The following DACH1 variants were observed in gnomAD, a reference collection of about 807,000 sequenced individuals.
DACH1 encodes dachshund family transcription factor 1, also known as dachshund homolog 1.
DACH1 carries 12 observed loss-of-function variants against 54.2 expected under a neutral mutation model. That is an observed-to-expected ratio of 0.22 (90% CI 0.14 to 0.36). DACH1 has a LOEUF of 0.36. Ranked by LOEUF, DACH1 falls within the 10% of genes least tolerant of loss-of-function variation. The pLI is 1.00. For synonymous variants in DACH1, 386 were observed against 366.2 expected (o/e 1.05, Z -0.62); for missense variants, 805 against 929.8 (o/e 0.87, Z 1.75).
At chr13:71,504,570 G>A (rs138088059) in intron 6 of DACH1, among the ~76,000 whole-genome samples, 1 of 152,294 alleles carries the variant, frequency 6.6e-6, no homozygotes, top group East Asian at 1.9e-4. Flanking sequence ...GGTTAGAATG[G>A]AATTTGAGAT....
intron 1 of DACH1, among the ~76,000 whole-genome samples, chr13:71,762,356 A>T (rs976246154): frequency 6.6e-6 from 1 of 152,200 alleles, no homozygotes; most frequent in African/African-American, 2.4e-5. Context: ...AGTTCCTGCC[A>T]TGTTGGATTT....
At chr13:71,841,071 G>A (rs1872806994) in intron 1 of DACH1, among the ~76,000 whole-genome samples, 1 of 152,048 alleles carries the variant, frequency 6.6e-6, no homozygotes, top group South Asian at 2.1e-4. Flanking sequence ...CCTGGCAGCT[G>A]TATATTTTCT....
chr13:71,728,248 G>A (rs2137903298), intron 1 of DACH1, among the ~76,000 whole-genome samples: 1 of 152,066 alleles, frequency 6.6e-6, no homozygotes, highest in East Asian at 1.9e-4. Flanking sequence ...TTGGTAACAT[G>A]AGGGATTTTA....
chr13:71,849,838 G>A (rs1873543922), intron 1 of DACH1, among the ~76,000 whole-genome samples: 2 of 152,184 alleles, frequency 1.3e-5, no homozygotes, highest in African/African-American at 4.8e-5. Flanking sequence ...TTAGTTTCTA[G>A]CAGGTATTTT....
At chr13:71,776,273 CT>C (rs946826234) in intron 1 of DACH1, among the ~76,000 whole-genome samples, 9 of 152,020 alleles carry the variant, frequency 5.9e-5, no homozygotes. Context: ...TATGAAGTCA[CT>C]TTTTACTGCT....
chr13:71,625,756 C>G (rs1876597199), intron 3 of DACH1, among the ~76,000 whole-genome samples: 3 of 151,894 alleles, frequency 2.0e-5, no homozygotes, highest in South Asian at 4.2e-4. Context: ...ATTAGTGTAC[C>G]CTTGCCTATG....
At chr13:71,784,611 G>C (rs913664494) in intron 1 of DACH1, among the ~76,000 whole-genome samples, 1 of 151,906 alleles carries the variant, frequency 6.6e-6, no homozygotes, top group Non-Finnish European at 1.5e-5. Flanking sequence ...TTCAATCACT[G>C]CAATTATACA....
chr13:71,704,290 T>C, intron 1 of DACH1: 1 of 294,160 alleles, frequency 3.4e-6, no homozygotes, highest in Admixed American at 3.7e-5. Flanking sequence ...TGTAAGGTGA[T>C]ATTGTAGACA....
At chr13:71,504,848 C>T (rs984833854) in intron 6 of DACH1, among the ~76,000 whole-genome samples, 1 of 152,096 alleles carries the variant, frequency 6.6e-6, no homozygotes, top group African/African-American at 2.4e-5. Flanking sequence ...AATTACAATA[C>T]AAATTCCTTA....
intron 3 of DACH1, among the ~76,000 whole-genome samples, chr13:71,577,968 A>G (rs1359584271): frequency 1.3e-5 from 2 of 152,236 alleles, no homozygotes; most frequent in Non-Finnish European, 1.5e-5. Context: ...AGGTTCCCAA[A>G]GAGAAGTCCA....
At chr13:71,552,713 G>A (rs1883891580) in intron 6 of DACH1, among the ~76,000 whole-genome samples, 1 of 145,468 alleles carries the variant, frequency 6.9e-6, no homozygotes. Context: ...TTAAAACACA[G>A]AAAGCTCTTG....
intron 1 of DACH1, among the ~76,000 whole-genome samples, chr13:71,741,128 T>A (rs1884362162): frequency 6.6e-6 from 1 of 152,208 alleles, no homozygotes; most frequent in African/African-American, 2.4e-5. Flanking sequence ...TCTTTCCATT[T>A]TCTTAGAAGT....
At chr13:71,858,349 C>T (rs754016223) in intron 1 of DACH1, among the ~76,000 whole-genome samples, 24 of 151,624 alleles carry the variant, frequency 1.6e-4, no homozygotes, top group Non-Finnish European at 3.1e-4. Context: ...TTCATGTTTA[C>T]CACTCCATTC....
chr13:71,863,664 A>G (rs1440254483), intron 1 of DACH1, among the ~76,000 whole-genome samples: 2 of 152,202 alleles, frequency 1.3e-5, no homozygotes, highest in East Asian at 3.9e-4. Flanking sequence ...ATATTCTCCA[A>G]CCACATGGTG....
At chr13:71,669,037 A>G (rs1201649675) in intron 2 of DACH1, among the ~76,000 whole-genome samples, 1 of 152,210 alleles carries the variant, frequency 6.6e-6, no homozygotes, top group African/African-American at 2.4e-5. Flanking sequence ...ATAGAGAGAT[A>G]AATAACTGGT....
chr13:71,441,604 G>A (rs1593698635), intron 10 of DACH1, among the ~76,000 whole-genome samples: 1 of 151,928 alleles, frequency 6.6e-6, no homozygotes, highest in Non-Finnish European at 1.5e-5. Flanking sequence ...AGTACATATT[G>A]CCATGTAAAT....
chr13:71,818,323 A>G (rs1888047615), intron 1 of DACH1, among the ~76,000 whole-genome samples: 1 of 152,180 alleles, frequency 6.6e-6, no homozygotes. Flanking sequence ...TGTGAAGGTC[A>G]CTCTGAAGAG....
chr13:71,688,773 A>T (rs966986792), intron 1 of DACH1, among the ~76,000 whole-genome samples: 4 of 152,232 alleles, frequency 2.6e-5, no homozygotes, highest in Non-Finnish European at 5.9e-5. Context: ...AATTCAGTAC[A>T]CCAAATGAAT....
rs560470473 is a variant in DACH1 at position 71,561,854 on chromosome 13, A to AT, written c.1300-1900dup. ...TCTTCAACAGATATGCTGAGACTTC[A>AT]TTTTGAAGACCCTGACAAATAAAAT... On this transcript the variant is annotated intron_variant, in intron 4 of 10. Transcript: ENST00000613252. 1.2e-3 allele frequency among the ~76,000 whole-genome samples: 182 copies of AT among 152,238 alleles called. 2 individuals are homozygous for AT. In the East Asian group the frequency reaches 0.028, roughly 23 times the overall value.
Sources: allele counts gnomAD v4.1 joint callset (sites outside exome capture counted in the v4.1 genomes callset), GRCh38; gene constraint gnomAD v4.1.1; transcripts MANE v1.5; gene names NCBI Gene and HGNC (gene_info 2026-07-23, HGNC 2026-07-21).